SGMS2: variants seen among roughly 807,000 people sequenced by gnomAD.
SGMS2 encodes the protein phosphatidylcholine:ceramide cholinephosphotransferase 2.
A neutral mutation model predicts 43.8 loss-of-function variants in SGMS2; 21 were observed. That is an observed-to-expected ratio of 0.48 (90% CI 0.34 to 0.69). The LOEUF is 0.69. Ranked by LOEUF, SGMS2 falls within the 30% of genes least tolerant of loss-of-function variation. The pLI, the probability that SGMS2 is intolerant of heterozygous loss-of-function variation, is 0.01. For missense variants in SGMS2, 384 were observed against 443.2 expected, an observed-to-expected ratio of 0.87 and a Z score of 1.20; for synonymous variants, 167 against 160.6, an observed-to-expected ratio of 1.04 and a Z score of -0.30.
At chr4:107,871,368 A>G (rs1427188642) in intron 2 of SGMS2, among the ~76,000 whole-genome samples, 2 of 152,056 alleles carry the variant, frequency 1.3e-5, no homozygotes, top group Non-Finnish European at 2.9e-5. Context: ...TCTACCTGGC[A>G]TATGGTTTCA....
At chr4:107,901,547 C>T (rs1006200415) in intron 4 of SGMS2, among the ~76,000 whole-genome samples, 5 of 152,206 alleles carry the variant, frequency 3.3e-5, no homozygotes, top group African/African-American at 1.2e-4. Flanking sequence ...ACTTGTAACT[C>T]ACCAGACATG....
At chr4:107,845,866 A>T (rs570040508) in intron 1 of SGMS2, among the ~76,000 whole-genome samples, 3 of 152,154 alleles carry the variant, frequency 2.0e-5, no homozygotes. Flanking sequence ...ATGAATATGT[A>T]TGTTGAATAG....
rs1732087295 is a variant in SGMS2 at position 107,911,111 on chromosome 4, C to G, written c.*558C>G. The stretch of plus-strand genomic sequence containing the variant: ...TTGAGTCCAGGAGTGCACACTGCTG[C>G]TGCCACCCAATGCGCTACATATCAC... On this transcript the variant is annotated 3_prime_UTR_variant, in exon 7 of 7. Transcript: ENST00000690982. 1 of 152,390 alleles carries G rather than the reference C, an allele frequency of 6.6e-6. No homozygotes were observed. Among genetic ancestry groups the G allele is most frequent in the Non-Finnish European group, 1.5e-5 (1 of 68,192 alleles). The allele number at this position is 152,390 out of a possible 1,614,324, so 9.4% of individuals were successfully genotyped here.
chr4:107,851,803 A>G (rs114780808), intron 1 of SGMS2, among the ~76,000 whole-genome samples: 200 of 152,316 alleles, frequency 1.3e-3, no homozygotes, highest in Admixed American at 2.7e-3. Flanking sequence ...TTATTTGAGC[A>G]TGAGTAGTAA....
At chr4:107,879,125 A>C (rs1253351543) in intron 2 of SGMS2, among the ~76,000 whole-genome samples, 1 of 91,080 alleles carries the variant, frequency 1.1e-5, no homozygotes, top group Non-Finnish European at 2.4e-5. Flanking sequence ...TTTTTTTTTT[A>C]GTGAGAAATA....
At chr4:107,902,289 C>CAAAAAAA (rs34388036) in intron 4 of SGMS2, among the ~76,000 whole-genome samples, 2 of 124,574 alleles carry the variant, frequency 1.6e-5, no homozygotes, top group African/African-American at 3.5e-5. Context: ...GACCCTGTCT[C>CAAAAAAA]AAAAAAAAAA....
chr4:107,845,428 T>C (rs1726754815), intron 1 of SGMS2, among the ~76,000 whole-genome samples: 2 of 152,176 alleles, frequency 1.3e-5, no homozygotes, highest in Non-Finnish European at 2.9e-5. Context: ...CCTTCCTCTG[T>C]TGTGTGTGGT....
chr4:107,876,236 A>C (rs1728904973), intron 2 of SGMS2, among the ~76,000 whole-genome samples: 1 of 152,172 alleles, frequency 6.6e-6, no homozygotes, highest in African/African-American at 2.4e-5. Flanking sequence ...TCCTACAAGG[A>C]AATGATATTG....
chr4:107,833,371 A>G (rs919220612), intron 1 of SGMS2, among the ~76,000 whole-genome samples: 1 of 152,192 alleles, frequency 6.6e-6, no homozygotes, highest in African/African-American at 2.4e-5. Context: ...CTCCCCAAAG[A>G]TGTTCACATC....
rs1411653883 is a variant in SGMS2 at position 107,913,144 on chromosome 4, G to GTT, written c.*2597_*2598dup. On this transcript the variant is annotated 3_prime_UTR_variant, in exon 7 of 7. Coordinates refer to ENST00000690982, the MANE Select transcript of SGMS2 (RefSeq NM_001375905.1). ...TTAAGATACATATCTTATTATCTTTGTTTTTTTCAAGTCTATGCTCCTGTT... is the reference window on the plus strand; with the variant it reads ...TTAAGATACATATCTTATTATCTTTGTTTTTTTTTCAAGTCTATGCTCCTGTT... 1 of 151,734 alleles carries GTT rather than the reference G, an allele frequency of 6.6e-6. No homozygotes were observed. Among genetic ancestry groups the GTT allele is most frequent in the Non-Finnish European group, 1.5e-5 (1 of 67,910 alleles). 9.4% of individuals were successfully genotyped at this position (151,734 alleles called of 1,614,324 possible).
At chr4:107,851,942 A>G (rs1169724746) in intron 1 of SGMS2, among the ~76,000 whole-genome samples, 2 of 152,108 alleles carry the variant, frequency 1.3e-5, no homozygotes, top group Non-Finnish European at 2.9e-5. Context: ...TAAAAGGAAA[A>G]CTTTTAAGAT....
At chr4:107,903,151 C>T in intron 4 of SGMS2, 82 bp from the exon 5 acceptor site, 1 of 1,376,168 alleles carries the variant, frequency 7.3e-7, no homozygotes, top group Non-Finnish European at 1.0e-6. Flanking sequence ...ACCTGGTGTC[C>T]TTTCTAAGAG....
intron 1 of SGMS2, among the ~76,000 whole-genome samples, chr4:107,835,977 G>A (rs868372962): frequency 5.9e-5 from 9 of 152,108 alleles, no homozygotes; most frequent in Middle Eastern, 6.8e-3. Context: ...TTGAGTTTTC[G>A]AACAGCCACA....
chr4:107,833,971 G>A (rs1415024078), intron 1 of SGMS2, among the ~76,000 whole-genome samples: 1 of 152,224 alleles, frequency 6.6e-6, no homozygotes, highest in African/African-American at 2.4e-5. Context: ...GCAAGGGAAT[G>A]AGCTCTCCCG....
chr4:107,910,372 C>T lies in SGMS2; in HGVS notation c.917C>T (p.Thr306Ile). 6.2e-7 allele frequency: 1 copy of T among 1,614,066 alleles called. No homozygotes were observed. Among genetic ancestry groups the T allele is most frequent in the Non-Finnish European group, 8.5e-7 (1 of 1,179,972 alleles). The change falls in exon 7 of 7, where the codon ACT becomes ATT. Residue 306 changes from threonine to isoleucine, a missense_variant. Coordinates refer to ENST00000690982, the MANE Select transcript of SGMS2 (RefSeq NM_001375905.1). ...NEKNLKVSSQ[T>I]NFLSRAWWFP... ...CAGAACTTGAAGGTCTCTTCACAGA[C>T]TAATTTCTTATCTCGAGCATGGTGG...
chr4:107,901,411 T>G (rs1228580482), intron 4 of SGMS2, among the ~76,000 whole-genome samples: 2 of 152,218 alleles, frequency 1.3e-5, no homozygotes, highest in African/African-American at 4.8e-5. Flanking sequence ...TTACAAAATC[T>G]TGTCTCCTGT....
intron 2 of SGMS2, among the ~76,000 whole-genome samples, chr4:107,877,913 C>CTTTTTTTTT (rs774442653): frequency 1.9e-4 from 19 of 102,176 alleles, no homozygotes; most frequent in African/African-American, 3.9e-4. Context: ...TTTTTCTTTT[C>CTTTTTTTTT]TTTTTTTTTT....
chr4:107,890,217 G>C (rs933979344), intron 2 of SGMS2, among the ~76,000 whole-genome samples: 1 of 152,108 alleles, frequency 6.6e-6, no homozygotes, highest in Non-Finnish European at 1.5e-5. Flanking sequence ...GGAGAAACAG[G>C]TTTCTCCCCG....
At chr4:107,896,725 A>G (rs897640319) in intron 3 of SGMS2, among the ~76,000 whole-genome samples, 2 of 152,206 alleles carry the variant, frequency 1.3e-5, no homozygotes, top group Non-Finnish European at 2.9e-5. Context: ...TCAAGAAGAA[A>G]TAAGTCAGGT....
Sources: gnomAD v4.1 joint callset for allele counts (sites outside exome capture counted in the v4.1 genomes callset) on GRCh38, gnomAD v4.1.1 for gene constraint, MANE v1.5 for transcripts, NCBI Gene and HGNC (gene_info 2026-07-23, HGNC 2026-07-21) for gene names.